The following MYO10 variants were observed in gnomAD, a reference collection of about 807,000 sequenced individuals.
The protein encoded by MYO10 is unconventional myosin-X.
Under a neutral mutation model 257.3 loss-of-function variants are expected in MYO10, and 133 were observed. That is an observed-to-expected ratio of 0.52 (90% CI 0.45 to 0.60). The LOEUF (loss-of-function observed/expected upper bound fraction) is 0.60, where lower values mean the gene tolerates loss of function less well. MYO10 is among the 20% of genes least tolerant of loss of function. The probability of loss-of-function intolerance (pLI) is 0.00; values close to 1 mark genes in which losing one functional copy is unlikely to be tolerated. For missense variants in MYO10, 2,399 were observed against 2,635.7 expected, an observed-to-expected ratio of 0.91 and a Z score of 1.97; for synonymous variants, 1,104 against 1,028.6, an observed-to-expected ratio of 1.07 and a Z score of -1.40.
intron 25 of MYO10, 21 bp from the exon 26 acceptor site, chr5:16,699,594 C>T: frequency 6.2e-7 from 1 of 1,612,522 alleles, no homozygotes; most frequent in Non-Finnish European, 8.5e-7. Context: ...AGAGAGAAGC[C>T]AACGGTGAGG....
chr5:16,807,304 TAG>T (rs1742306388), intron 3 of MYO10, among the ~76,000 whole-genome samples: 1 of 152,176 alleles, frequency 6.6e-6, no homozygotes, highest in Admixed American at 6.5e-5. Context: ...ACTTCACACA[TAG>T]TGACAACTTG....
chr5:16,777,681 A>G (rs1741259933), intron 9 of MYO10, among the ~76,000 whole-genome samples: 1 of 152,016 alleles, frequency 6.6e-6, no homozygotes, highest in South Asian at 2.1e-4. Context: ...TGAGTCTTAG[A>G]ATGGAGACAA....
chr5:16,684,394 C>T (rs541118676), intron 29 of MYO10, among the ~76,000 whole-genome samples: 31 of 152,186 alleles, frequency 2.0e-4, no homozygotes, highest in African/African-American at 7.2e-4. Context: ...AGGTGTGGGC[C>T]ACCACACCTG....
intron 1 of MYO10, among the ~76,000 whole-genome samples, chr5:16,911,923 A>G (rs1329537038): frequency 6.6e-6 from 1 of 152,148 alleles, no homozygotes; most frequent in East Asian, 1.9e-4. Flanking sequence ...CTGTAATCCC[A>G]GCTACTTGGG....
At chr5:16,676,729 G>A (rs1736741724) in intron 33 of MYO10, among the ~76,000 whole-genome samples, 1 of 152,130 alleles carries the variant, frequency 6.6e-6, no homozygotes, top group African/African-American at 2.4e-5. Flanking sequence ...AAAAAATTTA[G>A]GCTGGGCACA....
intron 1 of MYO10, among the ~76,000 whole-genome samples, chr5:16,926,677 G>A (rs1343138345): frequency 1.3e-5 from 2 of 149,336 alleles, no homozygotes; most frequent in African/African-American, 5.0e-5. Flanking sequence ...ACTCCAGCCT[G>A]GGCGAAAGAG....
intron 1 of MYO10, chr5:16,902,212 AT>A (rs34050297): frequency 0.059 from 31,836 of 543,362 alleles, no homozygotes; most frequent in South Asian, 0.11. Flanking sequence ...GGCCCGGCTA[AT>A]TTTTTTTTTT....
At chr5:16,735,695 A>AC (rs1221654412) in intron 19 of MYO10, among the ~76,000 whole-genome samples, 14 of 147,490 alleles carry the variant, frequency 9.5e-5, no homozygotes, top group Admixed American at 8.9e-4. Context: ...GAAAAAAAAA[A>AC]AAAAAAAACC....
At chr5:16,774,524 C>T (rs1741156717) in intron 9 of MYO10, among the ~76,000 whole-genome samples, 1 of 152,032 alleles carries the variant, frequency 6.6e-6, no homozygotes, top group African/African-American at 2.4e-5. Context: ...TGGGTTCACG[C>T]CATTCTCCTG....
intron 1 of MYO10, among the ~76,000 whole-genome samples, chr5:16,926,797 ACT>A (rs749188776): frequency 9.9e-5 from 15 of 152,160 alleles, no homozygotes; most frequent in Non-Finnish European, 2.1e-4. Context: ...GACAATCTTG[ACT>A]CTAACCACAT....
intron 2 of MYO10, among the ~76,000 whole-genome samples, chr5:16,865,983 T>A (rs1744234150): frequency 1.3e-5 from 2 of 149,652 alleles, no homozygotes; most frequent in Admixed American, 1.3e-4. Flanking sequence ...TAAAATTAAA[T>A]GGTAAGTTTT....
rs780908140 is a variant in MYO10, at chr5:16,701,316, C to T, written c.3079G>A (p.Asp1027Asn). The change falls in exon 25 of 41, where the codon GAT (aspartate) becomes AAT (asparagine). Residue 1027 changes from aspartate to asparagine, a missense_variant. Coordinates refer to ENST00000513610, the MANE Select transcript of MYO10 (RefSeq NM_012334.3). The surrounding 1 kb of genome is among the most constrained non-coding windows in gnomAD (Gnocchi z 8.1). ...DQRTSGIRTS[D>N]DSSEEDPYMN... Reference sequence around the variant, plus strand: ...TATGGGTCCTCCTCTGAAGAGTCATCGCTGGTCCGGATGCCACTTGTTCGC... The same window carrying T: ...TATGGGTCCTCCTCTGAAGAGTCATTGCTGGTCCGGATGCCACTTGTTCGC... 3.1e-6 allele frequency: 5 copies of T among 1,613,796 alleles called. No homozygotes were observed. In the East Asian group the frequency reaches 8.9e-5, roughly 29 times the overall value.
At chr5:16,780,115 T>C (rs1341907404) in intron 8 of MYO10, among the ~76,000 whole-genome samples, 2 of 152,114 alleles carry the variant, frequency 1.3e-5, no homozygotes, top group East Asian at 3.9e-4. Context: ...TTGGCCTGGC[T>C]GGTCTTGAAC....
At chr5:16,677,416 C>CT (rs796474728) in intron 33 of MYO10, among the ~76,000 whole-genome samples, 4,027 of 119,286 alleles carry the variant, frequency 0.034, 238 homozygotes, top group African/African-American at 0.083. Flanking sequence ...GTAACTTGAC[C>CT]TTTTTTTTTT....
intron 2 of MYO10, among the ~76,000 whole-genome samples, chr5:16,854,356 T>G (rs1467237270): frequency 6.6e-6 from 1 of 152,220 alleles, no homozygotes; most frequent in Admixed American, 6.5e-5. Flanking sequence ...TAATGGACTA[T>G]TACTCTGCAA....
chr5:16,859,503 T>C (rs538109863), intron 2 of MYO10, among the ~76,000 whole-genome samples: 6 of 152,204 alleles, frequency 3.9e-5, no homozygotes, highest in African/African-American at 1.4e-4. Context: ...CCCAGTGCTT[T>C]GGGAGGCTGA....
intron 1 of MYO10, among the ~76,000 whole-genome samples, chr5:16,896,954 G>A (rs1214855525): frequency 6.6e-6 from 1 of 152,064 alleles, no homozygotes; most frequent in Non-Finnish European, 1.5e-5. Context: ...GGAGAAGGGA[G>A]AGAGAGAGAA....
intron 9 of MYO10, among the ~76,000 whole-genome samples, chr5:16,773,785 A>G (rs1741130976): frequency 6.6e-6 from 1 of 150,924 alleles, no homozygotes; most frequent in Non-Finnish European, 1.5e-5. Flanking sequence ...CAAAGGTTGT[A>G]TAAGAAGATA....
At chr5:16,698,761 C>T (rs990361392) in intron 26 of MYO10, among the ~76,000 whole-genome samples, 1 of 149,660 alleles carries the variant, frequency 6.7e-6, no homozygotes, top group African/African-American at 2.5e-5. Flanking sequence ...GTAGCTGGCA[C>T]TACAGGAGCC....
Sources: gnomAD v4.1 joint callset for allele counts (sites outside exome capture counted in the v4.1 genomes callset) on GRCh38, gnomAD v4.1.1 for gene constraint, Gnocchi (gnomAD v3.1) non-coding constraint, MANE v1.5 for transcripts, NCBI Gene and HGNC (gene_info 2026-07-23, HGNC 2026-07-21) for gene names.